RORA: variants seen among roughly 807,000 people sequenced by gnomAD.
RORA encodes the protein RAR related orphan receptor A, also known as nuclear receptor ROR-alpha.
RORA carries 7 observed loss-of-function variants against 69.5 expected under a neutral mutation model. The observed-to-expected ratio is 0.10, with a 90% CI of 0.06 to 0.19. RORA has a LOEUF of 0.19. Ranked by LOEUF, RORA falls within the 10% of genes least tolerant of loss-of-function variation. The pLI, the probability that RORA is intolerant of heterozygous loss-of-function variation, is 1.00. For missense variants in RORA, 457 were observed against 663.0 expected (o/e 0.69, Z 3.41); for synonymous variants, 261 against 240.8 (o/e 1.08, Z -0.78).
chr15:60,950,066 C>A (rs999779237), intron 1 of RORA, among the ~76,000 whole-genome samples: 4 of 151,462 alleles, frequency 2.6e-5, no homozygotes. Context: ...CAAAGGGAAG[C>A]CCATCAGACT....
intron 1 of RORA, among the ~76,000 whole-genome samples, chr15:60,973,310 C>T (rs1013612045): frequency 1.3e-5 from 2 of 152,138 alleles, no homozygotes; most frequent in Non-Finnish European, 2.9e-5. Context: ...AAGTTTCCTG[C>T]CCAAGGTGGC....
At chr15:60,879,478 G>A (rs892879670) in intron 1 of RORA, among the ~76,000 whole-genome samples, 19 of 152,140 alleles carry the variant, frequency 1.2e-4, no homozygotes, top group Non-Finnish European at 4.4e-5. Flanking sequence ...GTGTTACTTA[G>A]AGAAGGGAAA....
intron 1 of RORA, among the ~76,000 whole-genome samples, chr15:60,948,983 C>CA (rs1480796888): frequency 6.6e-6 from 1 of 152,162 alleles, no homozygotes; most frequent in Non-Finnish European, 1.5e-5. Flanking sequence ...AGGAAACAGG[C>CA]AGAGTTGAGT....
intron 2 of RORA, among the ~76,000 whole-genome samples, chr15:60,600,229 G>C (rs536042462): frequency 1.1e-4 from 17 of 152,366 alleles, no homozygotes; most frequent in African/African-American, 4.1e-4. Context: ...AAGGACTGCA[G>C]AGTAACGTGG....
intron 1 of RORA, among the ~76,000 whole-genome samples, chr15:60,826,194 G>C (rs1242027563): frequency 6.6e-6 from 1 of 152,134 alleles, no homozygotes; most frequent in Admixed American, 6.5e-5. Flanking sequence ...TCATGTCCTA[G>C]TACTGGCACA....
At chr15:60,588,198 A>G (rs1246635500) in intron 2 of RORA, among the ~76,000 whole-genome samples, 2 of 152,236 alleles carry the variant, frequency 1.3e-5, no homozygotes, top group Non-Finnish European at 2.9e-5. Flanking sequence ...GTAGAGAAAC[A>G]TAAAAGTGGT....
In RORA at chr15:60,914,326, G is replaced by A. The variant is rs540593206; in HGVS notation, c.167-235640C>T. Among the ~76,000 whole-genome samples, 438 of 152,176 alleles carry A rather than the reference G, an allele frequency of 2.9e-3. 2 individuals are homozygous for A. The highest frequency in any genetic ancestry group is 3.4e-3 in the Middle Eastern group (1 of 294). ...TGCTTGCCCATGGGGAGGTGAGGGGGAATGCAGGCTCCTAGCCACAGAGAA... is the reference window on the plus strand; with the variant it reads ...TGCTTGCCCATGGGGAGGTGAGGGGAAATGCAGGCTCCTAGCCACAGAGAA... On this transcript the variant is annotated intron_variant, in intron 1 of 10. Coordinates refer to ENST00000335670, the MANE Select transcript of RORA (RefSeq NM_134261.3).
chr15:60,838,879 C>CACACAT (rs1452395661), intron 1 of RORA, among the ~76,000 whole-genome samples: 3 of 72,474 alleles, frequency 4.1e-5, no homozygotes, highest in African/African-American at 9.6e-5. Flanking sequence ...CACACACACA[C>CACACAT]ACACACACAT....
intron 1 of RORA, among the ~76,000 whole-genome samples, chr15:61,118,415 T>C (rs898966784): frequency 6.6e-6 from 1 of 152,204 alleles, no homozygotes; most frequent in African/African-American, 2.4e-5. Context: ...ATGAGTGAGT[T>C]CTTTTGCATC....
At chr15:60,833,815 A>C (rs1341574976) in intron 1 of RORA, among the ~76,000 whole-genome samples, 1 of 152,208 alleles carries the variant, frequency 6.6e-6, no homozygotes, top group African/African-American at 2.4e-5. Context: ...AGGAGTTAGA[A>C]GATCTGGACT....
chr15:60,542,231 G>A (rs1035690881), intron 2 of RORA, among the ~76,000 whole-genome samples: 5 of 152,238 alleles, frequency 3.3e-5, no homozygotes, highest in Admixed American at 1.3e-4. Flanking sequence ...CAGCTGCTGT[G>A]GGCACAGCTT....
intron 1 of RORA, among the ~76,000 whole-genome samples, chr15:60,758,034 A>G (rs766328708): frequency 5.9e-5 from 9 of 152,160 alleles, no homozygotes; most frequent in African/African-American, 1.7e-4. Flanking sequence ...CTTCCAATCA[A>G]TGGGACCGGC....
At chr15:61,114,351 A>G (rs1271797893) in intron 1 of RORA, among the ~76,000 whole-genome samples, 1 of 152,200 alleles carries the variant, frequency 6.6e-6, no homozygotes, top group Non-Finnish European at 1.5e-5. Context: ...TAGCTTTAAA[A>G]AACTTGGTGG....
At chr15:60,787,062 A>G (rs1162332275) in intron 1 of RORA, among the ~76,000 whole-genome samples, 1 of 152,246 alleles carries the variant, frequency 6.6e-6, no homozygotes, top group African/African-American at 2.4e-5. Context: ...ATCCCATTTT[A>G]CAAATGAGAA....
intron 1 of RORA, among the ~76,000 whole-genome samples, chr15:61,113,784 C>T (rs973404214): frequency 6.6e-6 from 1 of 152,186 alleles, no homozygotes; most frequent in African/African-American, 2.4e-5. Flanking sequence ...GTCTGCTTAC[C>T]AGTTTGTGAA....
chr15:61,209,268 CAAA>C (rs10710980), intron 1 of RORA, among the ~76,000 whole-genome samples: 4 of 145,248 alleles, frequency 2.8e-5, no homozygotes, highest in African/African-American at 7.7e-5. Context: ...TGTTGAATTA[CAAA>C]AAAAAAAAAA....
rs1010137399 is a variant in RORA, at chr15:60,531,026, C to A, written c.282+740G>T. The A allele has an allele frequency of 3.9e-5, 6 of 152,216 alleles. No homozygotes were observed. The highest frequency in any genetic ancestry group is 1.4e-4 in the African/African-American group (6 of 41,452). 9.4% of individuals were successfully genotyped at this position (152,216 alleles called of 1,614,324 possible). A position where few individuals can be genotyped will look rare whatever the true frequency, so the allele number is the denominator to read the frequency against. On this transcript the variant is annotated intron_variant, in intron 3 of 10. Transcript: ENST00000335670. This position sits in a 1 kb window ranked among gnomAD's most constrained non-coding sequence, Gnocchi z 4.8. ...ATTATTGGGATAAACATCTCTGTTT[C>A]TCATCTGCACATTATGCATGTGCTG...
intron 1 of RORA, among the ~76,000 whole-genome samples, chr15:61,092,261 A>C (rs2078718696): frequency 6.6e-6 from 1 of 152,228 alleles, no homozygotes; most frequent in South Asian, 2.1e-4. Flanking sequence ...AACTCACTTA[A>C]AGGCTGGCAG....
intron 1 of RORA, among the ~76,000 whole-genome samples, chr15:61,020,583 T>C (rs1895476166): frequency 6.6e-6 from 1 of 152,196 alleles, no homozygotes; most frequent in African/African-American, 2.4e-5. Flanking sequence ...CCAATCCAGA[T>C]GCTTCCAAAA....
Sources: allele counts gnomAD v4.1 joint callset (sites outside exome capture counted in the v4.1 genomes callset), GRCh38; gene constraint gnomAD v4.1.1; non-coding constraint Gnocchi (gnomAD v3.1); transcripts MANE v1.5; gene names NCBI Gene and HGNC (gene_info 2026-07-23, HGNC 2026-07-21).